Variants in NRDC observed in about 807,000 individuals in gnomAD.
NRDC encodes nardilysin convertase.
NRDC carries 54 observed loss-of-function variants against 147.1 expected under a neutral mutation model. The observed-to-expected ratio is 0.37, with a 90% CI of 0.29 to 0.46. The LOEUF is 0.46. NRDC is among the 20% of genes least tolerant of loss of function. The pLI is 1.00. For synonymous variants in NRDC, 440 were observed against 482.1 expected (o/e 0.91, Z 1.14); for missense variants, 1,082 against 1,370.6 (o/e 0.79, Z 3.33).
intron 10 of NRDC, among the ~76,000 whole-genome samples, chr1:51,817,534 T>C (rs1680027193): frequency 6.6e-6 from 1 of 152,186 alleles, no homozygotes; most frequent in African/African-American, 2.4e-5. Flanking sequence ...CTAGTCATAT[T>C]ACCAATCCAA....
chr1:51,820,920 T>G (rs751683526), intron 8 of NRDC, among the ~76,000 whole-genome samples: 1 of 152,142 alleles, frequency 6.6e-6, no homozygotes, highest in South Asian at 2.1e-4. Flanking sequence ...TTTTAAATAT[T>G]TGTACTATTT....
rs867081490 is a variant in NRDC at position 51,837,357 on chromosome 1, C to G, written c.631-1145G>C. Reference sequence around the variant, plus strand: ...TGAGTGTGTTTTCAGAAGAACCAAACAGCCTCACTTGATACTATAAACCCC... The same window carrying G: ...TGAGTGTGTTTTCAGAAGAACCAAAGAGCCTCACTTGATACTATAAACCCC... On this transcript the variant is annotated intron_variant, in intron 2 of 30. Coordinates refer to ENST00000352171, the MANE Select transcript of NRDC (RefSeq NM_001101662.2). The G allele has an allele frequency of 1.1e-5, 9 of 817,026 alleles. No individual in the cohort carries two copies. The Middle Eastern group carries it at 2.0e-3, about 185-fold the overall frequency. The allele number at this position is 817,026 out of a possible 1,614,324, so 50.6% of individuals were successfully genotyped here.
intron 1 of NRDC, among the ~76,000 whole-genome samples, chr1:51,849,554 C>T (rs1241559210): frequency 6.6e-6 from 1 of 152,164 alleles, no homozygotes; most frequent in South Asian, 2.1e-4. Flanking sequence ...CGGTGGCTCA[C>T]GCCTGTAATC....
intron 1 of NRDC, among the ~76,000 whole-genome samples, chr1:51,855,911 C>A (rs12118832): frequency 0.042 from 6,338 of 151,994 alleles, 180 homozygotes; most frequent in Non-Finnish European, 0.06. Flanking sequence ...ATATACTACA[C>A]ACATTACAAG....
intron 25 of NRDC, 119 bp downstream of exon 25, chr1:51,792,258 T>C: frequency 7.5e-7 from 1 of 1,333,018 alleles, no homozygotes; most frequent in Non-Finnish European, 1.1e-6. Flanking sequence ...TAAATGACCA[T>C]CTCACCTTCA....
chr1:51,797,524 A>C (rs541086191), intron 22 of NRDC, among the ~76,000 whole-genome samples: 124 of 152,278 alleles, frequency 8.1e-4, no homozygotes, highest in Non-Finnish European at 1.3e-3. Flanking sequence ...AAAGCCCAGC[A>C]CCTTAGCTTC....
Position 51,878,281 on chromosome 1 carries a change from T to C in NRDC, c.335A>G (p.Gln112Arg). Reference protein sequence around the residue: ...EIVKSPSDPKQYRYIKLQNGL... With the variant: ...EIVKSPSDPKRYRYIKLQNGL... ...TGCAAGCCTCCTCCCTCACCGGTAT[T>C]GCTTGGGGTCGCTGGGAGACTTGAC... Residue 112 changes from glutamine (Q) to arginine (R), a missense_variant, in exon 1 of 31, where the codon CAA (glutamine) becomes CGA (arginine). Physicochemically the swap from Gln to Arg is conservative, Grantham distance 43. Transcript: ENST00000352171. The C allele has an allele frequency of 6.2e-7, 1 of 1,611,966 alleles. No individual in the cohort carries two copies. The highest frequency in any genetic ancestry group is 8.5e-7 in the Non-Finnish European group (1 of 1,178,384).
rs528247226 is a variant in NRDC at position 51,845,966 on chromosome 1, AAAAG to A, written c.342-5456_342-5453del. ...AAAATCTAACACCTAATTTAAAAAAAAAAGAAAGCTATGTGTACAACATGTATCC... is the reference window on the plus strand; with the variant it reads ...AAAATCTAACACCTAATTTAAAAAAAAAAGCTATGTGTACAACATGTATCC... On this transcript the variant is annotated intron_variant, in intron 1 of 30. Transcript: ENST00000352171. Among the ~76,000 whole-genome samples the A allele has an allele frequency of 1.8e-4, 28 of 152,348 alleles. No individual in the cohort carries two copies. The East Asian group carries it at 4.0e-3, about 22-fold the overall frequency.
At position 51,840,385 on chromosome 1, in the gene NRDC, A is replaced by T. The variant is rs1328752738; in HGVS notation, c.471T>A (p.Asp157Glu). 1 of 1,511,908 alleles carries T rather than the reference A, an allele frequency of 6.6e-7. No individual in the cohort carries two copies. The highest frequency in any genetic ancestry group is 9.0e-7 in the Non-Finnish European group (1 of 1,106,630). The allele number at this position is 1,511,908 out of a possible 1,614,324, so 93.7% of individuals were successfully genotyped here. A position where few individuals can be genotyped will look rare whatever the true frequency, so the allele number is the denominator to read the frequency against. The stretch of plus-strand genomic sequence containing the variant: ...CTTCTATTTCAGCTCCAGAATCTTC[A>T]TCATCATCTTCTTCTTCTTCCTCCA... The part of the protein sequence containing the change: ...EEVEEEEEDD[D>E]EDSGAEIEDD... The change falls in exon 2 of 31, where the codon GAT (aspartate) becomes GAA (glutamate). Residue 157 changes from aspartate to glutamate, a missense_variant. Transcript: ENST00000352171.
Position 51,792,488 on chromosome 1 carries a change from C to T in NRDC, c.2776-64G>A. Reference sequence around the variant, plus strand: ...TGGTTTACAGGGCTTTTAAATAATCCAGCTATTCTAGGCAACCACTTAGGT... The same window carrying T: ...TGGTTTACAGGGCTTTTAAATAATCTAGCTATTCTAGGCAACCACTTAGGT... On this transcript the variant is annotated intron_variant, in intron 24 of 30. Transcript: ENST00000352171. 5 of 1,516,666 alleles carry T rather than the reference C, an allele frequency of 3.3e-6. No homozygotes were observed. In the South Asian group the frequency reaches 3.4e-5, roughly 10 times the overall value. The allele number at this position is 1,516,666 out of a possible 1,614,324, so 94.0% of individuals were successfully genotyped here.
intron 4 of NRDC, among the ~76,000 whole-genome samples, chr1:51,829,009 T>C (rs1024184407): frequency 2.0e-5 from 3 of 152,064 alleles, no homozygotes; most frequent in African/African-American, 7.2e-5. Context: ...TATTGGGGCA[T>C]TTTTTTTCTT....
Position 51,794,557 on chromosome 1 carries a change from A to G in NRDC, c.2690T>C (p.Val897Ala). 1.9e-6 allele frequency: 3 copies of G among 1,614,176 alleles called. No individual in the cohort carries two copies. Among genetic ancestry groups the G allele is most frequent in the African/African-American group, 1.3e-5 (1 of 75,048 alleles). Residue 897 changes from valine to alanine, a missense_variant, in exon 24 of 31, where the codon GTA becomes GCA. This residue lies in a region of NRDC where 635 missense variants were observed against 923.8 expected (regional missense o/e 0.69). Coordinates refer to ENST00000352171, the MANE Select transcript of NRDC (RefSeq NM_001101662.2). ...EQEMPVQFQV[V>A]ELPSGHHLCK... ...TAGATGGTGGCCACTGGGCAGCTCT[A>G]CCACCTGGAACTGCACAGGCATCTC...
intron 20 of NRDC, chr1:51,800,956 C>A: frequency 3.7e-6 from 1 of 272,656 alleles, no homozygotes; most frequent in Non-Finnish European, 6.9e-6. Context: ...GCCATACTCC[C>A]ACCTCAGCCT....
At chr1:51,814,525 G>A (rs1238693219) in intron 13 of NRDC, 26 bp downstream of exon 13, 3 of 1,608,864 alleles carry the variant, frequency 1.9e-6, no homozygotes, top group Non-Finnish European at 2.6e-6. Flanking sequence ...CTGGCTCCTG[G>A]CCTCATTCCA....
rs576686971 is a variant in NRDC at position 51,809,039 on chromosome 1, C to T, written c.1990+276G>A. 5.9e-5 allele frequency among the ~76,000 whole-genome samples: 9 copies of T among 152,328 alleles called. No individual in the cohort carries two copies. In the East Asian group the frequency reaches 1.7e-3, roughly 29 times the overall value. ...GAGATTGGTATGAAAGGATCAGCTA[C>T]TCTATACAAGATAAAGCATAAACTT... On this transcript the variant is annotated intron_variant, in intron 17 of 30. Coordinates refer to ENST00000352171, the MANE Select transcript of NRDC (RefSeq NM_001101662.2).
intron 29 of NRDC, 195 bp from the exon 30 acceptor site, chr1:51,789,852 A>G: frequency 3.4e-6 from 2 of 584,036 alleles, no homozygotes; most frequent in South Asian, 2.0e-5. Flanking sequence ...TTTTATACCA[A>G]TCATCTACAA....
chr1:51,793,686 C>A (rs1486356545), intron 24 of NRDC, among the ~76,000 whole-genome samples: 3 of 152,176 alleles, frequency 2.0e-5, no homozygotes, highest in Admixed American at 1.3e-4. Context: ...ACCCAAAGCC[C>A]AGTCAGGGAT....
chr1:51,843,625 AT>A (rs1337820743), intron 1 of NRDC, among the ~76,000 whole-genome samples: 3 of 152,318 alleles, frequency 2.0e-5, no homozygotes, highest in African/African-American at 7.2e-5. Flanking sequence ...ACAAACTTAT[AT>A]TTGTTTTTCT....
At chr1:51,842,390 T>C (rs917476591) in intron 1 of NRDC, among the ~76,000 whole-genome samples, 14 of 152,120 alleles carry the variant, frequency 9.2e-5, no homozygotes, top group Admixed American at 2.6e-4. Flanking sequence ...TAGTAAGATA[T>C]TGGTTCTTCC....
Sources: gnomAD v4.1 joint callset for allele counts (sites outside exome capture counted in the v4.1 genomes callset) on GRCh38, gnomAD v4.1.1 for gene constraint, gnomAD v4.1.1 regional missense constraint, MANE v1.5 for transcripts, NCBI Gene and HGNC (gene_info 2026-07-23, HGNC 2026-07-21) for gene names.